ATP8A2: variants seen among roughly 807,000 people sequenced by gnomAD.
ATP8A2 encodes ATPase phospholipid transporting 8A2.
In ATP8A2, 100 loss-of-function variants were observed where a neutral mutation model predicts 165.6. The ratio of observed to expected loss-of-function variants is 0.60; its 90% CI spans 0.51 to 0.71. ATP8A2 has a LOEUF of 0.71. Ranked by LOEUF, ATP8A2 falls within the 30% of genes least tolerant of loss-of-function variation. The probability of loss-of-function intolerance (pLI) is 0.00; values close to 1 mark genes in which losing one functional copy is unlikely to be tolerated. For missense variants in ATP8A2, 1,227 were observed against 1,479.5 expected, an observed-to-expected ratio of 0.83 and a Z score of 2.80; for synonymous variants, 543 against 548.8, an observed-to-expected ratio of 0.99 and a Z score of 0.15.
intron 16 of ATP8A2, among the ~76,000 whole-genome samples, chr13:25,569,444 C>T (rs1279678589): frequency 6.6e-6 from 1 of 152,200 alleles, no homozygotes; most frequent in African/African-American, 2.4e-5. Flanking sequence ...AGAGGAAACA[C>T]ATAGCTGCTT....
intron 24 of ATP8A2, among the ~76,000 whole-genome samples, chr13:25,695,134 T>A (rs1447910024): frequency 2.1e-5 from 3 of 145,618 alleles, no homozygotes; most frequent in African/African-American, 7.8e-5. Flanking sequence ...CACACTATCT[T>A]TTTTTTTTTT....
At chr13:25,384,028 T>TGGA (rs1433025471) in intron 1 of ATP8A2, among the ~76,000 whole-genome samples, 1 of 152,138 alleles carries the variant, frequency 6.6e-6, no homozygotes, top group Admixed American at 6.5e-5. Flanking sequence ...TGGCCATCTG[T>TGGA]CTTATTTTTT....
intron 2 of ATP8A2, among the ~76,000 whole-genome samples, chr13:25,473,131 CT>C (rs1366405868): frequency 6.6e-6 from 1 of 152,140 alleles, no homozygotes; most frequent in Non-Finnish European, 1.5e-5. Context: ...GGGGTATGCA[CT>C]ACATGAGAAC....
At chr13:25,509,198 G>A (rs1393776325) in intron 2 of ATP8A2, among the ~76,000 whole-genome samples, 1 of 152,232 alleles carries the variant, frequency 6.6e-6, no homozygotes, top group African/African-American at 2.4e-5. Context: ...TGGAGAGACA[G>A]TGTTTGAAAT....
At chr13:25,472,811 C>T (rs1230317613) in intron 2 of ATP8A2, among the ~76,000 whole-genome samples, 2 of 152,180 alleles carry the variant, frequency 1.3e-5, no homozygotes, top group African/African-American at 4.8e-5. Context: ...GGCCTGTCCT[C>T]TCTGGAACAG....
chr13:25,889,900 C>T (rs1260228499), intron 33 of ATP8A2, among the ~76,000 whole-genome samples: 2 of 152,044 alleles, frequency 1.3e-5, no homozygotes, highest in Admixed American at 1.3e-4. Flanking sequence ...CGGTGGTTCA[C>T]GCCTGTAATC....
intron 1 of ATP8A2, among the ~76,000 whole-genome samples, chr13:25,385,789 T>TC (rs2033019545): frequency 6.6e-6 from 1 of 151,810 alleles, no homozygotes. Context: ...CATCCCAGGC[T>TC]CAAGCAATCC....
intron 30 of ATP8A2, among the ~76,000 whole-genome samples, chr13:25,842,783 A>G (rs9319243): frequency 0.99 from 150,362 of 152,232 alleles, 74,288 homozygotes; most frequent in Middle Eastern, 1. Flanking sequence ...AGGAGGGAAA[A>G]AGAAGAAAGA....
chr13:25,481,592 G>A (rs911142841), intron 2 of ATP8A2, among the ~76,000 whole-genome samples: 3 of 152,170 alleles, frequency 2.0e-5, no homozygotes, highest in Non-Finnish European at 4.4e-5. Flanking sequence ...AGACAGGGAG[G>A]GTACCACTGT....
intron 33 of ATP8A2, among the ~76,000 whole-genome samples, chr13:25,930,385 G>A (rs1351167213): frequency 1.3e-4 from 4 of 29,656 alleles, no homozygotes; most frequent in Admixed American, 3.9e-4. Context: ...CCCCCACCCC[G>A]CCCAGTTCCT....
intron 1 of ATP8A2, among the ~76,000 whole-genome samples, chr13:25,463,375 A>G (rs1005007262): frequency 1.3e-5 from 2 of 151,962 alleles, no homozygotes; most frequent in African/African-American, 2.4e-5. Flanking sequence ...TATTTAGTTT[A>G]TGCTTTTATG....
chr13:25,973,976 T>G (rs531720489), intron 35 of ATP8A2, among the ~76,000 whole-genome samples: 1 of 152,358 alleles, frequency 6.6e-6, no homozygotes, highest in East Asian at 1.9e-4. Flanking sequence ...TAGGGCATCC[T>G]TTCAGCAAAC....
chr13:25,664,102 G>A lies in ATP8A2; in HGVS notation c.2212-35071G>A, dbSNP rs370683964. 8.5e-5 allele frequency among the ~76,000 whole-genome samples: 13 copies of A among 152,162 alleles called. 1 individual carries two copies. Among genetic ancestry groups the A allele is most frequent in the Admixed American group, 5.9e-4 (9 of 15,276 alleles). ...CAGGCGCCTGTAATCCCAGCTCCTCGGGAGCCTGAGGTGGGAGGATGGCCT... is the reference window on the plus strand; with the variant it reads ...CAGGCGCCTGTAATCCCAGCTCCTCAGGAGCCTGAGGTGGGAGGATGGCCT... On this transcript the variant is annotated intron_variant, in intron 24 of 36. Coordinates refer to ENST00000381655, the MANE Select transcript of ATP8A2 (RefSeq NM_016529.6).
At chr13:25,461,878 G>GGAA (rs1416875620) in intron 1 of ATP8A2, among the ~76,000 whole-genome samples, 11 of 151,630 alleles carry the variant, frequency 7.3e-5, no homozygotes, top group South Asian at 2.1e-4. Context: ...AGGAGGAGGA[G>GGAA]GAAGAAGGAG....
At chr13:25,473,959 T>C (rs1477980188) in intron 2 of ATP8A2, among the ~76,000 whole-genome samples, 2 of 152,244 alleles carry the variant, frequency 1.3e-5, no homozygotes, top group African/African-American at 2.4e-5. Context: ...ATCAGACATA[T>C]GTAATCTTTC....
intron 2 of ATP8A2, among the ~76,000 whole-genome samples, chr13:25,503,158 C>T (rs2036910783): frequency 6.6e-6 from 1 of 152,114 alleles, no homozygotes; most frequent in South Asian, 2.1e-4. Flanking sequence ...CACTCCTCAC[C>T]CCTCACTGTA....
intron 2 of ATP8A2, among the ~76,000 whole-genome samples, chr13:25,498,543 C>A (rs769729909): frequency 1.3e-5 from 2 of 152,150 alleles, no homozygotes; most frequent in Non-Finnish European, 2.9e-5. Flanking sequence ...GTAAGCTGAT[C>A]TTTTTGGTCA....
chr13:25,785,322 C>A (rs900690068), intron 27 of ATP8A2, among the ~76,000 whole-genome samples: 16 of 151,842 alleles, frequency 1.1e-4, no homozygotes, highest in Non-Finnish European at 5.9e-5. Flanking sequence ...ATCACTTGAA[C>A]CCATGAGGCA....
chr13:25,850,892 G>C (rs1951991228), intron 30 of ATP8A2, among the ~76,000 whole-genome samples: 1 of 152,170 alleles, frequency 6.6e-6, no homozygotes, highest in African/African-American at 2.4e-5. Context: ...GTTTTAACAA[G>C]AAACGACACC....
Sources: gnomAD v4.1 joint callset for allele counts (sites outside exome capture counted in the v4.1 genomes callset) on GRCh38, gnomAD v4.1.1 for gene constraint, MANE v1.5 for transcripts, NCBI Gene and HGNC (gene_info 2026-07-23, HGNC 2026-07-21) for gene names.